Variants in TYW1B observed in about 807,000 individuals in gnomAD.
TYW1B encodes S-adenosyl-L-methionine-dependent tRNA 4-demethylwyosine synthase TYW1B.
In TYW1B, 73 loss-of-function variants were observed where a neutral mutation model predicts 86.9. The ratio of observed to expected loss-of-function variants is 0.84; its 90% CI spans 0.70 to 1.02. The LOEUF (loss-of-function observed/expected upper bound fraction) is 1.02. Among genes scored for constraint, TYW1B ranks in the 50% least tolerant of loss-of-function variants. The pLI, the probability that TYW1B is intolerant of heterozygous loss-of-function variation, is 0.00. For missense variants in TYW1B, 637 were observed against 827.4 expected (o/e 0.77, Z 2.82); for synonymous variants, 248 against 292.8 (o/e 0.85, Z 1.56).
chr7:72,733,061 T>C (rs1486186837), intron 8 of TYW1B, among the ~76,000 whole-genome samples: 2 of 151,816 alleles, frequency 1.3e-5, no homozygotes, highest in African/African-American at 4.8e-5. Context: ...AGAGAAAACC[T>C]GAACAGATCA....
intron 13 of TYW1B, among the ~76,000 whole-genome samples, chr7:72,579,176 A>G (rs1433645898): frequency 6.6e-6 from 1 of 152,184 alleles, no homozygotes; most frequent in Admixed American, 6.5e-5. Flanking sequence ...GCACTTCATA[A>G]GAGAACTGCT....
At chr7:72,777,654 G>A (rs1175502121) in intron 6 of TYW1B, 121 bp from the exon 7 acceptor site, 16 of 1,170,934 alleles carry the variant, frequency 1.4e-5, no homozygotes, top group Admixed American at 1.0e-4. Context: ...AGTGGCTCAC[G>A]CCTGTAATCC....
chr7:72,827,309 G>A (rs1360811083), intron 1 of TYW1B, among the ~76,000 whole-genome samples: 1 of 152,214 alleles, frequency 6.6e-6, no homozygotes, highest in South Asian at 2.1e-4. Flanking sequence ...TCGGGAGGCT[G>A]AGGCAGGAGA....
intron 13 of TYW1B, among the ~76,000 whole-genome samples, chr7:72,610,589 G>C (rs1490769345): frequency 6.6e-6 from 1 of 152,076 alleles, no homozygotes; most frequent in Non-Finnish European, 1.5e-5. Context: ...CTAGACCTGA[G>C]GGTGAAACAG....
intron 3 of TYW1B, among the ~76,000 whole-genome samples, chr7:72,811,682 C>T (rs542875888): frequency 3.3e-5 from 5 of 151,852 alleles, no homozygotes; most frequent in South Asian, 2.1e-4. Context: ...GAGGCTGAGG[C>T]GGGTGGATCA....
chr7:72,703,830 G>A, intron 10 of TYW1B, among the ~76,000 whole-genome samples: 1 of 150,864 alleles, frequency 6.6e-6, no homozygotes, highest in Admixed American at 6.6e-5. Context: ...ACTCCAGGCT[G>A]GGTGACAGGG....
intron 11 of TYW1B, among the ~76,000 whole-genome samples, chr7:72,639,613 C>G (rs1812755361): frequency 6.6e-6 from 1 of 152,116 alleles, no homozygotes; most frequent in African/African-American, 2.4e-5. Flanking sequence ...CCTATAACCC[C>G]AGCACTCTGG....
chr7:72,600,620 T>A (rs767050214), intron 13 of TYW1B, among the ~76,000 whole-genome samples: 7 of 152,124 alleles, frequency 4.6e-5, no homozygotes, highest in Non-Finnish European at 7.4e-5. Context: ...ACAATTTGCA[T>A]CCAAAATATA....
chr7:72,665,768 T>C (rs34725701), intron 11 of TYW1B, among the ~76,000 whole-genome samples: 7,040 of 113,062 alleles, frequency 0.062, no homozygotes, highest in African/African-American at 0.11. Flanking sequence ...TCTGCCTATT[T>C]GCTTGTCCTC....
chr7:72,822,062 A>T (rs1167566552), intron 2 of TYW1B, among the ~76,000 whole-genome samples: 2 of 151,394 alleles, frequency 1.3e-5, no homozygotes, highest in Admixed American at 6.6e-5. Flanking sequence ...ACTGGCCAAC[A>T]TGCAGAAACC....
At chr7:72,614,487 A>G (rs2960977) in intron 13 of TYW1B, among the ~76,000 whole-genome samples, 26,172 of 151,966 alleles carry the variant, frequency 0.17, 2,797 homozygotes, top group East Asian at 0.55. Context: ...ACAAAAATTA[A>G]ATGGGTGTGG....
chr7:72,727,805 C>A (rs1787027617), intron 9 of TYW1B, among the ~76,000 whole-genome samples: 2 of 100,184 alleles, frequency 2.0e-5, no homozygotes, highest in African/African-American at 7.4e-5. Context: ...AGAGTGAGAT[C>A]CGGTCCAAAA....
intron 4 of TYW1B, among the ~76,000 whole-genome samples, chr7:72,809,666 T>C (rs1337556265): frequency 2.1e-5 from 2 of 94,792 alleles, no homozygotes; most frequent in African/African-American, 6.6e-5. Flanking sequence ...AAAATAAACA[T>C]AATTAAAAAA....
intron 7 of TYW1B, among the ~76,000 whole-genome samples, chr7:72,750,440 T>C (rs1384218766): frequency 6.6e-6 from 1 of 152,314 alleles, no homozygotes; most frequent in African/African-American, 2.4e-5. Flanking sequence ...TCATTCAAAT[T>C]GGTGCTACCT....
rs58301724 is a variant in TYW1B at position 72,779,712 on chromosome 7, CAAAAAAA to C, written c.847-2186_847-2180del. Among the ~76,000 whole-genome samples, 29 of 64,284 alleles carry C rather than the reference CAAAAAAA, an allele frequency of 4.5e-4. 1 individual carries two copies. In the South Asian group the frequency reaches 0.018, roughly 39 times the overall value. 42.2% of individuals were successfully genotyped at this position (64,284 alleles called of 152,430 possible). ...AGCCTGGGCGACAGAGACTCTGCCT[CAAAAAAA>C]AAAAAAAAAAAAAATTAACACTCAC... is the stretch of plus-strand genomic sequence containing the variant. On this transcript the variant is annotated intron_variant, in intron 6 of 13. Transcript: ENST00000620995.
At chr7:72,788,741 C>A (rs532474196) in intron 6 of TYW1B, among the ~76,000 whole-genome samples, 1 of 152,204 alleles carries the variant, frequency 6.6e-6, no homozygotes, top group South Asian at 2.1e-4. Context: ...CCATGTTGGC[C>A]AGGTTGGTTT....
At chr7:72,777,649 C>T (rs1787980363) in intron 6 of TYW1B, 116 bp from the exon 7 acceptor site, 2 of 1,208,458 alleles carry the variant, frequency 1.7e-6, no homozygotes, top group Non-Finnish European at 2.3e-6. Flanking sequence ...GGCATAGTGG[C>T]TCACGCCTGT....
intron 7 of TYW1B, among the ~76,000 whole-genome samples, chr7:72,763,077 AG>A (rs1735975849): frequency 6.6e-6 from 1 of 151,796 alleles, no homozygotes; most frequent in Non-Finnish European, 1.5e-5. Context: ...TTTGTCTTCC[AG>A]GTTACCTAAA....
chr7:72,679,295 GAA>G (rs1233472085), intron 11 of TYW1B, among the ~76,000 whole-genome samples: 1 of 152,166 alleles, frequency 6.6e-6, no homozygotes, highest in Non-Finnish European at 1.5e-5. Flanking sequence ...AGTTCCGAAA[GAA>G]ATTATTGCAC....
Sources: gnomAD v4.1 joint callset for allele counts (sites outside exome capture counted in the v4.1 genomes callset) on GRCh38, gnomAD v4.1.1 for gene constraint, MANE v1.5 for transcripts, NCBI Gene and HGNC (gene_info 2026-07-23, HGNC 2026-07-21) for gene names.